Variants in LUZP2 observed in about 807,000 individuals in gnomAD.
The protein encoded by LUZP2 is leucine zipper protein 2.
LUZP2 carries 52 observed loss-of-function variants against 51.6 expected under a neutral mutation model. The ratio of observed to expected loss-of-function variants is 1.01; its 90% CI spans 0.81 to 1.27. The LOEUF (loss-of-function observed/expected upper bound fraction) is 1.27, where lower values mean the gene tolerates loss of function less well. Ranked by LOEUF, LUZP2 falls within the 50% of genes most tolerant of loss-of-function variation. LUZP2 has a pLI of 0.00. For synonymous variants in LUZP2, 154 were observed against 137.3 expected (o/e 1.12, Z -0.85); for missense variants, 436 against 395.4 (o/e 1.10, Z -0.87).
Position 24,699,090 on chromosome 11 carries a change from C to CACAT in LUZP2, c.63-30076_63-30075insTACA, listed in dbSNP as rs1460386106. 3.2e-5 allele frequency among the ~76,000 whole-genome samples: 4 copies of CACAT among 123,244 alleles called. No homozygotes were observed. In the South Asian group the frequency reaches 9.5e-4, roughly 29 times the overall value. The allele number at this position is 123,244 out of a possible 152,430, so 80.9% of individuals were successfully genotyped here. On this transcript the variant is annotated intron_variant, in intron 1 of 11. Coordinates refer to ENST00000336930, the MANE Select transcript of LUZP2 (RefSeq NM_001009909.4). ...TAAATGAAAACAAACCACAGAAACACACACACACACACACACACACACACA... is the reference window on the plus strand; with the variant it reads ...TAAATGAAAACAAACCACAGAAACACACATACACACACACACACACACACACACA...
intron 1 of LUZP2, among the ~76,000 whole-genome samples, chr11:24,603,560 AT>A (rs905401517): frequency 1.3e-4 from 19 of 151,976 alleles, no homozygotes; most frequent in African/African-American, 4.1e-4. Flanking sequence ...TTCCAAAAAA[AT>A]ATTTTATAAA....
Position 24,574,182 on chromosome 11 carries a change from TTTTC to T in LUZP2, c.62+76891_62+76894del, listed in dbSNP as rs1184736914. Among the ~76,000 whole-genome samples the T allele has an allele frequency of 5.4e-5, 7 of 129,050 alleles. 1 individual carries two copies. The highest frequency in any genetic ancestry group is 8.0e-5 in the Admixed American group (1 of 12,426). The allele number at this position is 129,050 out of a possible 152,430, so 84.7% of individuals were successfully genotyped here. A position where few individuals can be genotyped will look rare whatever the true frequency, so the allele number is the denominator to read the frequency against. On this transcript the variant is annotated intron_variant, in intron 1 of 11. Transcript: ENST00000336930. The stretch of plus-strand genomic sequence containing the variant: ...TCTTTCAATTTTCTTTCTTTCTTTC[TTTTC>T]TTTCTTTCTTTCTCTTTCTTCCTTC...
At chr11:24,633,958 G>GTATATATATATA (rs534303582) in intron 1 of LUZP2, among the ~76,000 whole-genome samples, 5,761 of 134,762 alleles carry the variant, frequency 0.043, 119 homozygotes, top group South Asian at 0.085. Flanking sequence ...GTGTGTGTGT[G>GTATATATATATA]TGTGTGTATA....
chr11:24,884,513 A>G (rs929063204), intron 5 of LUZP2, among the ~76,000 whole-genome samples: 1 of 152,016 alleles, frequency 6.6e-6, no homozygotes, highest in Non-Finnish European at 1.5e-5. Context: ...CTTACCCTAT[A>G]TTGGAGTGAA....
chr11:24,998,173 T>C (rs1458934098), intron 9 of LUZP2, among the ~76,000 whole-genome samples: 2 of 152,174 alleles, frequency 1.3e-5, no homozygotes, highest in Non-Finnish European at 2.9e-5. Context: ...ATTGGTAACT[T>C]GATGGGGATG....
At chr11:25,063,382 T>C (rs942136086) in intron 10 of LUZP2, among the ~76,000 whole-genome samples, 3 of 151,648 alleles carry the variant, frequency 2.0e-5, no homozygotes, top group African/African-American at 7.3e-5. Flanking sequence ...TGAAAATATT[T>C]AAAGCCATTT....
chr11:24,729,265 T>C lies in LUZP2; in HGVS notation c.159T>C (p.Asp53=). ...RQLTKTSREL[D]GIKVNLQSLK... ...TGACAAAGACATCAAGAGAACTTGA[T>C]GGAATTAAAGTCAATCTTCAGGTGA... Residue 53 remains aspartate (D), a synonymous_variant, in exon 2 of 12, where the codon GAT becomes GAC. Transcript: ENST00000336930. The C allele has an allele frequency of 1.3e-6, 2 of 1,551,924 alleles. No homozygotes were observed. Among genetic ancestry groups the C allele is most frequent in the Non-Finnish European group, 1.8e-6 (2 of 1,138,286 alleles).
At chr11:24,625,787 C>T (rs1854657079) in intron 1 of LUZP2, among the ~76,000 whole-genome samples, 1 of 151,562 alleles carries the variant, frequency 6.6e-6, no homozygotes, top group Non-Finnish European at 1.5e-5. Flanking sequence ...ACTAGACCCA[C>T]AAAAGGCATT....
At chr11:24,741,967 TATATACATTTATATATTATATATA>T (rs1859183153) in intron 4 of LUZP2, among the ~76,000 whole-genome samples, 1 of 84,196 alleles carries the variant, frequency 1.2e-5, no homozygotes, top group Admixed American at 1.3e-4. Context: ...TATATATAAA[TATATACATTTATATATTATATATA>T]AATGTATATA....
intron 7 of LUZP2, among the ~76,000 whole-genome samples, chr11:24,966,883 G>A (rs1049311357): frequency 6.8e-6 from 1 of 147,276 alleles, no homozygotes; most frequent in Non-Finnish European, 1.5e-5. Flanking sequence ...CATGTGTAAA[G>A]TATGTCTAAT....
chr11:24,991,259 A>T (rs1349102045), intron 9 of LUZP2, among the ~76,000 whole-genome samples: 1 of 151,808 alleles, frequency 6.6e-6, no homozygotes, highest in African/African-American at 2.4e-5. Context: ...TTAGAATAAT[A>T]GTCTCAGTTC....
chr11:24,598,660 TATTAATAAAG>T (rs1322491227), intron 1 of LUZP2, among the ~76,000 whole-genome samples: 2 of 152,084 alleles, frequency 1.3e-5, no homozygotes, highest in African/African-American at 4.8e-5. Flanking sequence ...AAAGAGATAT[TATTAATAAAG>T]ATGACTCCAA....
chr11:24,918,845 C>CTATA (rs10679621), intron 7 of LUZP2, among the ~76,000 whole-genome samples: 22 of 28,866 alleles, frequency 7.6e-4, no homozygotes, highest in African/African-American at 1.7e-3. Flanking sequence ...TGGAATACAT[C>CTATA]TATATATATA....
At chr11:24,715,189 T>C (rs981149736) in intron 1 of LUZP2, among the ~76,000 whole-genome samples, 2 of 151,952 alleles carry the variant, frequency 1.3e-5, no homozygotes, top group African/African-American at 4.8e-5. Flanking sequence ...GCATAAATTA[T>C]ATGCAAATAC....
chr11:24,887,638 G>C (rs1291159988), intron 5 of LUZP2, among the ~76,000 whole-genome samples: 1 of 152,196 alleles, frequency 6.6e-6, no homozygotes, highest in Non-Finnish European at 1.5e-5. Flanking sequence ...GTTCTGACAT[G>C]AGAAAGTTAA....
chr11:24,552,242 A>G (rs897381063), intron 1 of LUZP2, among the ~76,000 whole-genome samples: 3 of 152,072 alleles, frequency 2.0e-5, no homozygotes, highest in African/African-American at 7.2e-5. Context: ...TTTAACCTAG[A>G]TAAGTGAAGT....
At chr11:24,577,626 C>A (rs1852696567) in intron 1 of LUZP2, among the ~76,000 whole-genome samples, 1 of 152,022 alleles carries the variant, frequency 6.6e-6, no homozygotes, top group African/African-American at 2.4e-5. Flanking sequence ...AAAAAAAAGA[C>A]CCTCACTTTT....
intron 5 of LUZP2, among the ~76,000 whole-genome samples, chr11:24,829,638 A>G (rs184248473): frequency 6.6e-6 from 1 of 152,318 alleles, no homozygotes; most frequent in East Asian, 1.9e-4. Context: ...AGGGTGTTGG[A>G]ATAAATGGGT....
intron 7 of LUZP2, among the ~76,000 whole-genome samples, chr11:24,957,317 A>G (rs962244496): frequency 2.6e-5 from 4 of 152,160 alleles, no homozygotes; most frequent in African/African-American, 9.7e-5. Context: ...TAATTGAATC[A>G]GGTTAGTTGA....
Sources: allele counts gnomAD v4.1 joint callset (sites outside exome capture counted in the v4.1 genomes callset), GRCh38; gene constraint gnomAD v4.1.1; transcripts MANE v1.5; gene names NCBI Gene and HGNC (gene_info 2026-07-23, HGNC 2026-07-21).